ABCA13: variants seen among roughly 807,000 people sequenced by gnomAD.
The protein encoded by ABCA13 is ATP-binding cassette sub-family A member 13.
In ABCA13, 476 loss-of-function variants were observed where a neutral mutation model predicts 478.7. That is an observed-to-expected ratio of 0.99 (90% confidence interval 0.92 to 1.07). The LOEUF (loss-of-function observed/expected upper bound fraction) is 1.07. Among genes scored for constraint, ABCA13 ranks in the 50% least tolerant of loss-of-function variants. The pLI is 0.00. For missense variants in ABCA13, 6,060 were observed against 5,910.6 expected (o/e 1.03, Z -0.83); for synonymous variants, 2,252 against 2,158.9 (o/e 1.04, Z -1.20).
At chr7:48,488,935 A>T (rs967049797) in intron 47 of ABCA13, among the ~76,000 whole-genome samples, 4 of 152,226 alleles carry the variant, frequency 2.6e-5, no homozygotes, top group Non-Finnish European at 5.9e-5. Flanking sequence ...AGAAAGAAAA[A>T]AAAATGATAG....
Position 48,396,378 on chromosome 7 carries a change from G to C in ABCA13, c.11873+4239G>C, listed in dbSNP as rs542166175. Among the ~76,000 whole-genome samples the C allele has an allele frequency of 2.0e-5, 3 of 152,160 alleles. No homozygotes were observed. In the South Asian group the frequency reaches 6.2e-4, roughly 32 times the overall value. On this transcript the variant is annotated intron_variant, in intron 38 of 61. Transcript: ENST00000435803. ...TTAACATCTTTTTTTTGTGCCAGCCGCTATGGTGGATATGTGCCAGGAACT... is the reference window on the plus strand; with the variant it reads ...TTAACATCTTTTTTTTGTGCCAGCCCCTATGGTGGATATGTGCCAGGAACT...
intron 48 of ABCA13, among the ~76,000 whole-genome samples, chr7:48,505,818 C>T (rs1831155135): frequency 6.6e-6 from 1 of 152,204 alleles, no homozygotes; most frequent in South Asian, 2.1e-4. Context: ...ATTTTGGCCG[C>T]TGGCATCACA....
intron 55 of ABCA13, among the ~76,000 whole-genome samples, chr7:48,572,702 T>G (rs924023600): frequency 6.6e-6 from 1 of 152,306 alleles, no homozygotes; most frequent in East Asian, 1.9e-4. Context: ...CTTGTGAATT[T>G]TACTTATTGT....
At chr7:48,584,402 G>A (rs985808608) in intron 56 of ABCA13, among the ~76,000 whole-genome samples, 2 of 152,172 alleles carry the variant, frequency 1.3e-5, no homozygotes, top group African/African-American at 4.8e-5. Context: ...TTTTCTGCCA[G>A]GACCACTGTC....
chr7:48,555,869 G>A (rs1016803705), intron 55 of ABCA13, among the ~76,000 whole-genome samples: 1 of 150,566 alleles, frequency 6.6e-6, no homozygotes, highest in African/African-American at 2.4e-5. Flanking sequence ...GTTTGCTCTT[G>A]CTTTTCTAGT....
At chr7:48,484,547 C>T (rs1249874218) in intron 47 of ABCA13, among the ~76,000 whole-genome samples, 9 of 152,278 alleles carry the variant, frequency 5.9e-5, no homozygotes, top group Non-Finnish European at 7.4e-5. Flanking sequence ...ACCCTTCTTA[C>T]GTATTCATAG....
chr7:48,213,766 A>T (rs1786036239), intron 3 of ABCA13, among the ~76,000 whole-genome samples: 1 of 152,224 alleles, frequency 6.6e-6, no homozygotes, highest in Admixed American at 6.5e-5. Flanking sequence ...ATCCTTTGTT[A>T]TCATTTCAGT....
intron 3 of ABCA13, among the ~76,000 whole-genome samples, chr7:48,211,553 G>A (rs574707380): frequency 4.6e-5 from 7 of 152,216 alleles, no homozygotes; most frequent in African/African-American, 1.4e-4. Flanking sequence ...ACCATGTTGG[G>A]TCACACCTGA....
intron 31 of ABCA13, among the ~76,000 whole-genome samples, chr7:48,358,166 AAGGACAGGAC>A (rs377040023): frequency 0.024 from 3,248 of 135,582 alleles, 79 homozygotes; most frequent in Non-Finnish European, 0.036. Context: ...AAAAAAAAGA[AAGGACAGGAC>A]AGGACAGGAC....
At chr7:48,569,585 C>T (rs1488845167) in intron 55 of ABCA13, among the ~76,000 whole-genome samples, 2 of 152,198 alleles carry the variant, frequency 1.3e-5, no homozygotes, top group East Asian at 3.9e-4. Context: ...AGTGCAGTGG[C>T]ATGATCTCGG....
chr7:48,206,958 T>G (rs973135049), intron 3 of ABCA13, among the ~76,000 whole-genome samples: 2 of 152,096 alleles, frequency 1.3e-5, no homozygotes, highest in African/African-American at 4.8e-5. Context: ...CCTCTATATC[T>G]CCCACCTCAC....
intron 41 of ABCA13, among the ~76,000 whole-genome samples, chr7:48,415,732 T>C (rs1229022175): frequency 1.3e-5 from 2 of 152,108 alleles, no homozygotes; most frequent in Non-Finnish European, 2.9e-5. Context: ...AATTTAAATA[T>C]CACAGAAAAA....
chr7:48,578,516 A>G lies in ABCA13; in HGVS notation c.14355-1708A>G, dbSNP rs1410784907. On this transcript the variant is annotated intron_variant, in intron 55 of 61. Coordinates refer to ENST00000435803, the MANE Select transcript of ABCA13 (RefSeq NM_152701.5). The stretch of plus-strand genomic sequence containing the variant: ...TACTTAGCTATAAATCTAACAAATT[A>G]TGTGAGGAAAACTACAAAATCCTAA... Among the ~76,000 whole-genome samples, 3 of 152,322 alleles carry G rather than the reference A, an allele frequency of 2.0e-5. No homozygotes were observed. The East Asian group carries it at 5.8e-4, about 29-fold the overall frequency.
chr7:48,637,231 T>C (rs1794712339), intron 59 of ABCA13, among the ~76,000 whole-genome samples: 1 of 151,872 alleles, frequency 6.6e-6, no homozygotes, highest in Non-Finnish European at 1.5e-5. Context: ...GTGCTGGCTT[T>C]GAAGGCTCCC....
intron 59 of ABCA13, among the ~76,000 whole-genome samples, chr7:48,620,509 C>T (rs575592583): frequency 6.6e-6 from 1 of 152,200 alleles, no homozygotes; most frequent in South Asian, 2.1e-4. Context: ...CCATCCCTGG[C>T]CTGTGCAGCA....
At chr7:48,410,953 C>A (rs1177099975) in intron 40 of ABCA13, among the ~76,000 whole-genome samples, 1 of 151,890 alleles carries the variant, frequency 6.6e-6, no homozygotes, top group Non-Finnish European at 1.5e-5. Flanking sequence ...AAGTATATGA[C>A]CTATGTATTC....
At chr7:48,608,848 G>T (rs1204529802) in intron 58 of ABCA13, among the ~76,000 whole-genome samples, 2 of 152,168 alleles carry the variant, frequency 1.3e-5, no homozygotes, top group Non-Finnish European at 2.9e-5. Context: ...ATTTTGAAAT[G>T]GCTATTTTTG....
Position 48,310,151 on chromosome 7 carries a change from G to A in ABCA13, c.9516+10G>A, listed in dbSNP as rs1462058362. ...AGCTTTCATTTACAAGGTATGGAGA[G>A]CATGCTGGCTGGGGGCAGTCCTCTG... On this transcript the variant is annotated intron_variant, in intron 24 of 61. Coordinates refer to ENST00000435803, the MANE Select transcript of ABCA13 (RefSeq NM_152701.5). The A allele has an allele frequency of 1.8e-5, 29 of 1,596,048 alleles. No homozygotes were observed. Among genetic ancestry groups the A allele is most frequent in the Non-Finnish European group, 2.4e-5 (28 of 1,170,080 alleles).
At chr7:48,376,901 A>C (rs999817723) in intron 35 of ABCA13, among the ~76,000 whole-genome samples, 2 of 151,954 alleles carry the variant, frequency 1.3e-5, no homozygotes, top group African/African-American at 4.8e-5. Flanking sequence ...GAGGGCAGGC[A>C]TGAGGGGGTG....
Sources: allele counts gnomAD v4.1 joint callset (sites outside exome capture counted in the v4.1 genomes callset), GRCh38; gene constraint gnomAD v4.1.1; transcripts MANE v1.5; gene names NCBI Gene and HGNC (gene_info 2026-07-23, HGNC 2026-07-21).